Variants in COMMD1 observed in about 807,000 individuals in gnomAD.
COMMD1 encodes the protein copper metabolism domain containing 1.
In COMMD1, 10 loss-of-function variants were observed where a neutral mutation model predicts 17.2. The observed-to-expected ratio is 0.58, with a 90% CI of 0.36 to 0.99. COMMD1 has a LOEUF of 0.99. Ranked by LOEUF, COMMD1 falls within the 50% of genes least tolerant of loss-of-function variation. COMMD1 has a pLI of 0.01. For synonymous variants in COMMD1, 97 were observed against 91.6 expected (o/e 1.06, Z -0.34); for missense variants, 270 against 231.8 (o/e 1.17, Z -1.07).
At chr2:61,919,918 G>A (rs1670144959) in intron 1 of COMMD1, among the ~76,000 whole-genome samples, 1 of 152,002 alleles carries the variant, frequency 6.6e-6, no homozygotes, top group South Asian at 2.1e-4. Context: ...CTTGAGGCCA[G>A]GAGTTCGAGA....
At chr2:61,954,141 A>G (rs1297335733) in intron 1 of COMMD1, among the ~76,000 whole-genome samples, 1 of 152,036 alleles carries the variant, frequency 6.6e-6, no homozygotes, top group Admixed American at 6.6e-5. Flanking sequence ...CCCGGGAGGC[A>G]GAGGTTGCAA....
At chr2:61,907,205 C>G (rs1017088042) in intron 1 of COMMD1, among the ~76,000 whole-genome samples, 1 of 151,906 alleles carries the variant, frequency 6.6e-6, no homozygotes, top group Non-Finnish European at 1.5e-5. Flanking sequence ...TCCTGGGGTT[C>G]GAGCCATTCT....
chr2:62,111,038 C>A (rs1420636410), intron 2 of COMMD1, among the ~76,000 whole-genome samples: 1 of 152,158 alleles, frequency 6.6e-6, no homozygotes, highest in African/African-American at 2.4e-5. Context: ...TTTGTGTATT[C>A]CCTATTGATT....
chr2:62,123,026 T>G (rs2104079419), intron 2 of COMMD1, among the ~76,000 whole-genome samples: 1 of 152,208 alleles, frequency 6.6e-6, no homozygotes, highest in African/African-American at 2.4e-5. Flanking sequence ...GTTCCCTAGG[T>G]TTTCTTGATG....
chr2:62,021,234 C>A (rs573014249), intron 2 of COMMD1, among the ~76,000 whole-genome samples: 1 of 152,040 alleles, frequency 6.6e-6, no homozygotes, highest in African/African-American at 2.4e-5. Flanking sequence ...GTATTTTTTG[C>A]GTGTGAGAGA....
chr2:62,025,091 A>G (rs1669719877), intron 2 of COMMD1, among the ~76,000 whole-genome samples: 1 of 152,066 alleles, frequency 6.6e-6, no homozygotes, highest in African/African-American at 2.4e-5. Flanking sequence ...ATGGTGGTGC[A>G]CACCTGTAAT....
intron 2 of COMMD1, among the ~76,000 whole-genome samples, chr2:62,134,256 C>T (rs558899900): frequency 2.6e-4 from 39 of 152,258 alleles, no homozygotes; most frequent in Admixed American, 7.2e-4. Flanking sequence ...TGATACTTTT[C>T]AGTAGTTAGG....
chr2:61,959,296 G>A (rs999785482), intron 1 of COMMD1, among the ~76,000 whole-genome samples: 2 of 151,560 alleles, frequency 1.3e-5, no homozygotes, highest in African/African-American at 4.8e-5. Context: ...TATCAGGAAA[G>A]GAAATAATGC....
chr2:62,070,118 G>A (rs958585864), intron 2 of COMMD1: 1 of 152,142 alleles, frequency 6.6e-6, no homozygotes, highest in African/African-American at 2.4e-5. Context: ...TAAATTGGAG[G>A]GATCCCTTAA....
intron 1 of COMMD1, among the ~76,000 whole-genome samples, chr2:61,924,792 C>T (rs145929155): frequency 7.2e-4 from 110 of 152,220 alleles, no homozygotes; most frequent in African/African-American, 2.5e-3. Flanking sequence ...GAACGGAGGC[C>T]GAGAGCATTG....
At chr2:61,996,247 C>G (rs1304891718) in intron 1 of COMMD1, among the ~76,000 whole-genome samples, 1 of 151,840 alleles carries the variant, frequency 6.6e-6, no homozygotes, top group Non-Finnish European at 1.5e-5. Context: ...TTACCTGAGC[C>G]TTCATCTAGT....
intron 2 of COMMD1, among the ~76,000 whole-genome samples, chr2:62,012,629 G>A (rs1034203635): frequency 3.3e-4 from 50 of 152,040 alleles, no homozygotes; most frequent in African/African-American, 1.2e-3. Context: ...CTTTGGCAGT[G>A]ATTTAGTACA....
intron 2 of COMMD1, among the ~76,000 whole-genome samples, chr2:62,061,146 T>TA (rs1231904991): frequency 6.6e-6 from 1 of 152,248 alleles, no homozygotes. Flanking sequence ...TAATCATAGT[T>TA]ATCACTGTAG....
intron 2 of COMMD1, 29 bp from the exon 3 acceptor site, chr2:62,135,802 C>G: frequency 8.8e-7 from 1 of 1,136,882 alleles, no homozygotes; most frequent in South Asian, 1.2e-5. Context: ...TTGTGGTTTC[C>G]CTCTAAAATA....
chr2:62,004,943 C>T (rs1669069638), intron 2 of COMMD1, among the ~76,000 whole-genome samples: 1 of 152,168 alleles, frequency 6.6e-6, no homozygotes, highest in African/African-American at 2.4e-5. Context: ...TTTTGTTGAA[C>T]TCTGGTGTGT....
chr2:62,105,170 A>G, intron 2 of COMMD1, among the ~76,000 whole-genome samples: 1 of 151,802 alleles, frequency 6.6e-6, no homozygotes, highest in Non-Finnish European at 1.5e-5. Flanking sequence ...TTTATATAAC[A>G]TAATAGTAGA....
intron 2 of COMMD1, among the ~76,000 whole-genome samples, chr2:62,090,509 G>A (rs772272258): frequency 2.0e-5 from 3 of 152,186 alleles, no homozygotes; most frequent in African/African-American, 2.4e-5. Flanking sequence ...TGCAAGGAAC[G>A]CCTGGTCCTC....
chr2:62,011,656 A>C (rs1195615268), intron 2 of COMMD1, among the ~76,000 whole-genome samples: 1 of 152,202 alleles, frequency 6.6e-6, no homozygotes, highest in Non-Finnish European at 1.5e-5. Context: ...TGTATCAGTG[A>C]ACAATACAGA....
chr2:61,961,671 T>TG (rs1671347220), intron 1 of COMMD1, among the ~76,000 whole-genome samples: 4 of 152,232 alleles, frequency 2.6e-5, no homozygotes, highest in African/African-American at 7.2e-5. Flanking sequence ...TTGAAACTCC[T>TG]GTTATTCATG....
Sources: allele counts gnomAD v4.1 joint callset (sites outside exome capture counted in the v4.1 genomes callset), GRCh38; gene constraint gnomAD v4.1.1; transcripts MANE v1.5; gene names NCBI Gene and HGNC (gene_info 2026-07-23, HGNC 2026-07-21).